ELK4: variants seen among roughly 807,000 people sequenced by gnomAD.
ELK4 encodes ETS domain-containing protein Elk-4.
ELK4 carries 16 observed loss-of-function variants against 29.6 expected under a neutral mutation model. That is an observed-to-expected ratio of 0.54 (90% CI 0.37 to 0.82). ELK4 has a LOEUF of 0.82. Among genes scored for constraint, ELK4 ranks in the 40% least tolerant of loss-of-function variants. The pLI is 0.00. For synonymous variants in ELK4, 213 were observed against 191.1 expected (o/e 1.11, Z -0.95); for missense variants, 465 against 507.1 (o/e 0.92, Z 0.80).
chr1:205,624,881 G>T (rs1035536705), intron 1 of ELK4, among the ~76,000 whole-genome samples: 1 of 152,150 alleles, frequency 6.6e-6, no homozygotes, highest in Non-Finnish European at 1.5e-5. Context: ...TTTAGGCAAA[G>T]GAGCAGCAAG....
At position 205,614,018 on chromosome 1, in the gene ELK4, C is replaced by T. The variant is rs1670192703; in HGVS notation, c.*2528G>A. The T allele has an allele frequency of 4.4e-6, 1 of 224,902 alleles. No homozygotes were observed. Among genetic ancestry groups the T allele is most frequent in the South Asian group, 1.8e-4 (1 of 5,462 alleles). The allele number at this position is 224,902 out of a possible 1,614,324, so 13.9% of individuals were successfully genotyped here. A position where few individuals can be genotyped will look rare whatever the true frequency, so the allele number is the denominator to read the frequency against. On this transcript the variant is annotated 3_prime_UTR_variant, in exon 5 of 5. Coordinates refer to ENST00000357992, the MANE Select transcript of ELK4 (RefSeq NM_001973.4). Reference sequence around the variant, plus strand: ...TATAAACAGAACTGTCTGCCTCATACACCTGCAGTAAGGTTGTAAACTTTG... The same window carrying T: ...TATAAACAGAACTGTCTGCCTCATATACCTGCAGTAAGGTTGTAAACTTTG...
rs775148777 is a variant in ELK4 at position 205,616,578 on chromosome 1, CA to C, written c.1263del (p.Gly422AlafsTer33). On this transcript the variant is annotated frameshift_variant, in exon 5 of 5. Transcript: ENST00000357992. LOFTEE classifies it high-confidence loss of function. ...TTCTGTAGGTCTGGGGAAAATGGGC[CA>C]GGGGTGGAAGGTCCATCCAGCCCAG... ...TLSGLDGPST[P>X]GPFSPDLQKT 1.2e-6 allele frequency: 2 copies of C among 1,614,012 alleles called. No homozygotes were observed. Among genetic ancestry groups the C allele is most frequent in the Non-Finnish European group, 1.7e-6 (2 of 1,180,036 alleles).
chr1:205,619,687 C>CGA, intron 3 of ELK4: 1 of 1,412,932 alleles, frequency 7.1e-7, no homozygotes, highest in Non-Finnish European at 9.2e-7. Flanking sequence ...CGAGAGAGAG[C>CGA]GAGAGAGTGT....
rs1670105842 is a variant in ELK4 at position 205,608,520 on chromosome 1, G to A, written c.*8026C>T. On this transcript the variant is annotated 3_prime_UTR_variant, in exon 5 of 5. Transcript: ENST00000357992. Reference sequence around the variant, plus strand: ...CAGCTGTTTCATCAACTAACATGAAGTTTAATAAATGTTAGCAGTGACCAT... The same window carrying A: ...CAGCTGTTTCATCAACTAACATGAAATTTAATAAATGTTAGCAGTGACCAT... 1.1e-5 allele frequency: 2 copies of A among 185,282 alleles called. No individual in the cohort carries two copies. The highest frequency in any genetic ancestry group is 2.3e-5 in the Non-Finnish European group (2 of 88,468). 11.5% of individuals were successfully genotyped at this position (185,282 alleles called of 1,614,324 possible).
intron 1 of ELK4, among the ~76,000 whole-genome samples, chr1:205,627,913 G>A (rs376198680): frequency 3.0e-4 from 46 of 152,320 alleles, no homozygotes; most frequent in African/African-American, 1.1e-3. Flanking sequence ...GGATAGAAAG[G>A]GAGAGATGCT....
At chr1:205,616,675 C>G in intron 4 of ELK4, 31 bp from the exon 5 acceptor site, 1 of 1,590,686 alleles carries the variant, frequency 6.3e-7, no homozygotes, top group South Asian at 1.1e-5. Flanking sequence ...CATTATCATC[C>G]TATTACTCAA....
rs1451504095 is a variant in ELK4, at chr1:205,610,943, T to C, written c.*5603A>G. On this transcript the variant is annotated 3_prime_UTR_variant, in exon 5 of 5. Transcript: ENST00000357992. ...TCATAAAACTTCCTGATGTGGACTATACTCAAATGATTAGCACTCAAGAGA... is the reference window on the plus strand; with the variant it reads ...TCATAAAACTTCCTGATGTGGACTACACTCAAATGATTAGCACTCAAGAGA... The C allele has an allele frequency of 4.4e-6, 1 of 226,914 alleles. No individual in the cohort carries two copies. Among genetic ancestry groups the C allele is most frequent in the Non-Finnish European group, 8.8e-6 (1 of 114,178 alleles). The allele number at this position is 226,914 out of a possible 1,614,324, so 14.1% of individuals were successfully genotyped here. A position where few individuals can be genotyped will look rare whatever the true frequency, so the allele number is the denominator to read the frequency against.
intron 2 of ELK4, among the ~76,000 whole-genome samples, chr1:205,622,765 C>T: frequency 6.6e-6 from 1 of 152,128 alleles, no homozygotes; most frequent in East Asian, 1.9e-4. Context: ...TGTCATATTC[C>T]AATTCTGTAC....
chr1:205,623,871 A>G lies in ELK4; in HGVS notation c.12T>C (p.Ala4=). The part of the protein sequence containing the change: MDS[A]ITLWQFLLQL... ...GAAGAAGGAACTGCCACAGGGTGATAGCACTGTCCATAGCAATGAGCTGAA... is the reference window on the plus strand; with the variant it reads ...GAAGAAGGAACTGCCACAGGGTGATGGCACTGTCCATAGCAATGAGCTGAA... The change falls in exon 2 of 5, where the codon GCT becomes GCC. Residue 4 remains alanine, a synonymous_variant. Coordinates refer to ENST00000357992, the MANE Select transcript of ELK4 (RefSeq NM_001973.4). 1 of 1,614,122 alleles carries G rather than the reference A, an allele frequency of 6.2e-7. No individual in the cohort carries two copies. The highest frequency in any genetic ancestry group is 2.2e-5 in the East Asian group (1 of 44,888).
intron 3 of ELK4, chr1:205,619,323 G>A (rs916380696): frequency 1.6e-5 from 17 of 1,068,784 alleles, no homozygotes; most frequent in Non-Finnish European, 1.8e-5. Flanking sequence ...GTGGTTTTTG[G>A]TTACATGGAT....
intron 2 of ELK4, among the ~76,000 whole-genome samples, chr1:205,621,215 A>AAAAAAAAG (rs1558021775): frequency 6.6e-6 from 1 of 150,418 alleles, no homozygotes; most frequent in Non-Finnish European, 1.5e-5. Context: ...AAAAAAAAAA[A>AAAAAAAAG]AAAAGAAAAA....
At position 205,610,512 on chromosome 1, in the gene ELK4, TAAGA is replaced by T. The variant is rs1670135862; in HGVS notation, c.*6030_*6033del. ...AAAGCAAACATAAATGTAGAAATTT[TAAGA>T]AAGGACATCCTTATTTGCTCAATAA... is the stretch of plus-strand genomic sequence containing the variant. On this transcript the variant is annotated 3_prime_UTR_variant, in exon 5 of 5. Coordinates refer to ENST00000357992, the MANE Select transcript of ELK4 (RefSeq NM_001973.4). The T allele has an allele frequency of 4.4e-6, 1 of 229,214 alleles. No individual in the cohort carries two copies. Among genetic ancestry groups the T allele is most frequent in the South Asian group, 1.8e-4 (1 of 5,492 alleles). The allele number at this position is 229,214 out of a possible 1,614,324, so 14.2% of individuals were successfully genotyped here. A position where few individuals can be genotyped will look rare whatever the true frequency, so the allele number is the denominator to read the frequency against.
rs1670327990 is a variant in ELK4 at position 205,620,849 on chromosome 1, A to G, written c.208-11T>C. ...TTTTTTGATGATATTCTGTAGGTTA[A>G]AAAAAAAAGCATTTTTATCCTTTCT... On this transcript the variant is annotated splice_polypyrimidine_tract_variant and intron_variant, in intron 2 of 4. Coordinates refer to ENST00000357992, the MANE Select transcript of ELK4 (RefSeq NM_001973.4). 6.4e-7 allele frequency: 1 copy of G among 1,558,232 alleles called. No individual in the cohort carries two copies. Among genetic ancestry groups the G allele is most frequent in the South Asian group, 1.2e-5 (1 of 85,170 alleles).
intron 2 of ELK4, 70 bp from the exon 3 acceptor site, chr1:205,620,908 T>C: frequency 6.8e-7 from 1 of 1,474,464 alleles, no homozygotes; most frequent in Non-Finnish European, 9.0e-7. Flanking sequence ...ATGAAAAAGC[T>C]GGCATCGGCC....
chr1:205,631,276 G>C (rs970068155), intron 1 of ELK4, among the ~76,000 whole-genome samples: 1 of 152,228 alleles, frequency 6.6e-6, no homozygotes, highest in Non-Finnish European at 1.5e-5. Context: ...CAACCTCACC[G>C]GGCCTTGGTA....
At position 205,612,358 on chromosome 1, in the gene ELK4, G is replaced by C. The variant is rs192816391; in HGVS notation, c.*4188C>G. 10 of 215,938 alleles carry C rather than the reference G, an allele frequency of 4.6e-5. No homozygotes were observed. The East Asian group carries it at 5.5e-4, about 12-fold the overall frequency. 13.4% of individuals were successfully genotyped at this position (215,938 alleles called of 1,614,324 possible). A position where few individuals can be genotyped will look rare whatever the true frequency, so the allele number is the denominator to read the frequency against. On this transcript the variant is annotated 3_prime_UTR_variant, in exon 5 of 5. Coordinates refer to ENST00000357992, the MANE Select transcript of ELK4 (RefSeq NM_001973.4). ...GGAGGGTGCACAAGACAACCAACTG[G>C]GGTGTGGGAAGAAAATACTATAACT...
chr1:205,616,583 G>A lies in ELK4; in HGVS notation c.1259C>T (p.Thr420Ile), dbSNP rs769207543. The change falls in exon 5 of 5, where the codon ACC (threonine) becomes ATC (isoleucine). Residue 420 changes from threonine (T) to isoleucine (I), a missense_variant. Thr to Ile is a moderately conservative substitution (Grantham distance 89, BLOSUM62 -1). Coordinates refer to ENST00000357992, the MANE Select transcript of ELK4 (RefSeq NM_001973.4). ...FTLSGLDGPS[T>I]PGPFSPDLQK... ...TAGGTCTGGGGAAAATGGGCCAGGG[G>A]TGGAAGGTCCATCCAGCCCAGACAG... 8.1e-6 allele frequency: 13 copies of A among 1,614,190 alleles called. No individual in the cohort carries two copies. Among genetic ancestry groups the A allele is most frequent in the East Asian group, 2.2e-5 (1 of 44,882 alleles).
chr1:205,626,096 C>T (rs554517642), intron 1 of ELK4: 2 of 892,492 alleles, frequency 2.2e-6, no homozygotes, highest in East Asian at 4.9e-5. Flanking sequence ...ACCAGGAACA[C>T]CATGAAGACT....
intron 3 of ELK4, 187 bp downstream of exon 3, chr1:205,619,779 A>C (rs369525669): frequency 5.3e-6 from 8 of 1,517,070 alleles, no homozygotes; most frequent in Non-Finnish European, 7.0e-6. Flanking sequence ...AAAATACTCC[A>C]AACTTTCTAT....
Sources: gnomAD v4.1 joint callset for allele counts (sites outside exome capture counted in the v4.1 genomes callset) on GRCh38, gnomAD v4.1.1 for gene constraint, MANE v1.5 for transcripts, NCBI Gene and HGNC (gene_info 2026-07-23, HGNC 2026-07-21) for gene names.